The following TNFSF4 variants were observed in gnomAD, a reference collection of about 807,000 sequenced individuals.
TNFSF4 encodes the protein tumor necrosis factor ligand superfamily member 4.
Under a neutral mutation model 7.3 loss-of-function variants are expected in TNFSF4, and 4 were observed. The ratio of observed to expected loss-of-function variants is 0.55; its 90% CI spans 0.27 to 1.25. The LOEUF is 1.25. TNFSF4 is among the 50% of genes most tolerant of loss of function. The probability of loss-of-function intolerance (pLI) is 0.12; values close to 1 mark genes in which losing one functional copy is unlikely to be tolerated. For synonymous variants in TNFSF4, 76 were observed against 83.7 expected, an observed-to-expected ratio of 0.91 and a Z score of 0.50; for missense variants, 181 against 208.8, an observed-to-expected ratio of 0.87 and a Z score of 0.82.
the TNFSF4 span, among the ~76,000 whole-genome samples, chr1:173,375,302 C>A: frequency 6.6e-6 from 1 of 152,136 alleles, no homozygotes; most frequent in South Asian, 2.1e-4. Context: ...CTAGAGAGTT[C>A]CCCTCTGGAG....
the TNFSF4 span, among the ~76,000 whole-genome samples, chr1:173,222,203 C>A: frequency 6.6e-6 from 1 of 151,550 alleles, no homozygotes; most frequent in Non-Finnish European, 1.5e-5. Context: ...AGAATGAAAA[C>A]CTTGGTCTCC....
the TNFSF4 span, among the ~76,000 whole-genome samples, chr1:173,416,151 C>T: frequency 6.6e-6 from 1 of 152,076 alleles, no homozygotes; most frequent in African/African-American, 2.4e-5. Flanking sequence ...CAGGGTCTGT[C>T]GGTGAGATGT....
the TNFSF4 span, among the ~76,000 whole-genome samples, chr1:173,331,958 G>A: frequency 6.6e-6 from 1 of 152,168 alleles, no homozygotes; most frequent in African/African-American, 2.4e-5. Flanking sequence ...GAGTGCAGGT[G>A]CTACTTGGCA....
At chr1:173,244,808 G>A in the TNFSF4 span, among the ~76,000 whole-genome samples, 1 of 152,036 alleles carries the variant, frequency 6.6e-6, no homozygotes, top group Non-Finnish European at 1.5e-5. Context: ...AGCATAATCT[G>A]AATAACTTTT....
At chr1:173,437,476 T>C in the TNFSF4 span, among the ~76,000 whole-genome samples, 1 of 152,238 alleles carries the variant, frequency 6.6e-6, no homozygotes, top group African/African-American at 2.4e-5. Context: ...TTTTCTGTAC[T>C]TACAAAGGTC....
chr1:173,378,371 C>T, the TNFSF4 span, among the ~76,000 whole-genome samples: 2 of 152,158 alleles, frequency 1.3e-5, no homozygotes, highest in Non-Finnish European at 2.9e-5. Context: ...GTCCAGGGAC[C>T]GTTGTGGGTC....
the TNFSF4 span, among the ~76,000 whole-genome samples, chr1:173,248,138 G>A: frequency 2.6e-5 from 4 of 152,076 alleles, no homozygotes; most frequent in African/African-American, 7.2e-5. Context: ...TGTGGATCAC[G>A]AGGTCAGGAG....
chr1:173,398,715 C>T, the TNFSF4 span, among the ~76,000 whole-genome samples: 11 of 152,256 alleles, frequency 7.2e-5, no homozygotes, highest in South Asian at 4.1e-4. Context: ...CATGAGCCAC[C>T]GTGCCCAGCC....
At chr1:173,381,472 G>A in the TNFSF4 span, among the ~76,000 whole-genome samples, 462 of 152,164 alleles carry the variant, frequency 3.0e-3, 1 homozygote, top group Non-Finnish European at 4.9e-3. Flanking sequence ...CTTGTCTTTG[G>A]GCCCTGAATT....
At chr1:173,411,105 G>C in the TNFSF4 span, among the ~76,000 whole-genome samples, 2 of 152,206 alleles carry the variant, frequency 1.3e-5, no homozygotes, top group African/African-American at 4.8e-5. Flanking sequence ...TGAAGTCTCT[G>C]TTGCTGCGGA....
At chr1:173,439,915 G>A in the TNFSF4 span, among the ~76,000 whole-genome samples, 28,384 of 152,206 alleles carry the variant, frequency 0.19, 2,730 homozygotes, top group East Asian at 0.31. Context: ...TTTTAATAAC[G>A]TGGTTAACAA....
chr1:173,422,898 G>A, the TNFSF4 span, among the ~76,000 whole-genome samples: 282 of 152,292 alleles, frequency 1.9e-3, no homozygotes, highest in Middle Eastern at 6.8e-3. Context: ...AGTTGATGTC[G>A]TGGAGAAAGG....
the TNFSF4 span, among the ~76,000 whole-genome samples, chr1:173,350,175 A>G: frequency 1.6e-4 from 24 of 152,334 alleles, no homozygotes; most frequent in African/African-American, 5.5e-4. Context: ...TACATAAAAC[A>G]AAAGTGCTTT....
At chr1:173,372,065 C>A in the TNFSF4 span, among the ~76,000 whole-genome samples, 2 of 152,206 alleles carry the variant, frequency 1.3e-5, no homozygotes, top group African/African-American at 4.8e-5. Flanking sequence ...ATCACTTGAA[C>A]TTTCTAGCTA....
At chr1:173,211,310 C>G (rs1650367256), upstream of TNFSF4, among the ~76,000 whole-genome samples, 1 of 152,194 alleles carries the variant, frequency 6.6e-6, no homozygotes, top group Non-Finnish European at 1.5e-5. Context: ...TCAACCTATT[C>G]CTGATCCTAA....
the TNFSF4 span, among the ~76,000 whole-genome samples, chr1:173,290,319 C>T: frequency 1.3e-5 from 2 of 152,130 alleles, no homozygotes; most frequent in Non-Finnish European, 2.9e-5. Context: ...GGGAGCAAGA[C>T]CCGACTATCT....
At chr1:173,259,292 GCAA>G in the TNFSF4 span, among the ~76,000 whole-genome samples, 4 of 150,450 alleles carry the variant, frequency 2.7e-5, no homozygotes, top group African/African-American at 4.9e-5. Context: ...CAAACAGAAA[GCAA>G]CAACAACAAC....
the TNFSF4 span, among the ~76,000 whole-genome samples, chr1:173,275,089 A>G: frequency 6.6e-6 from 1 of 152,134 alleles, no homozygotes; most frequent in Non-Finnish European, 1.5e-5. Context: ...GTTGGAAAGG[A>G]AACAACAAGC....
chr1:173,297,945 C>T, the TNFSF4 span, among the ~76,000 whole-genome samples: 5 of 151,888 alleles, frequency 3.3e-5, no homozygotes, highest in African/African-American at 1.2e-4. Flanking sequence ...AAGGCTGTAT[C>T]ATCAATGTTG....
Sources: allele counts gnomAD v4.1 joint callset (sites outside exome capture counted in the v4.1 genomes callset), GRCh38; gene constraint gnomAD v4.1.1; transcripts MANE v1.5; gene names NCBI Gene and HGNC (gene_info 2026-07-23, HGNC 2026-07-21).